Variants in CPEB1 observed in about 807,000 individuals in gnomAD.
CPEB1 encodes the protein cytoplasmic polyadenylation element-binding protein 1.
A neutral mutation model predicts 65.8 loss-of-function variants in CPEB1; 7 were observed. The ratio of observed to expected loss-of-function variants is 0.11; its 90% CI spans 0.06 to 0.20. CPEB1 has a LOEUF of 0.20. CPEB1 is among the 10% of genes least tolerant of loss of function. The probability of loss-of-function intolerance (pLI) is 1.00; values close to 1 mark genes in which losing one functional copy is unlikely to be tolerated. For synonymous variants in CPEB1, 262 were observed against 260.0 expected (o/e 1.01, Z -0.08); for missense variants, 551 against 712.2 (o/e 0.77, Z 2.58).
intron 3 of CPEB1, among the ~76,000 whole-genome samples, chr15:82,579,485 G>T (rs181930518): frequency 7.6e-6 from 1 of 131,696 alleles, no homozygotes; most frequent in East Asian, 2.4e-4. Flanking sequence ...ACTTTATCAA[G>T]ATTTATAACA....
At chr15:82,640,150 G>A (rs887349326) in intron 1 of CPEB1, among the ~76,000 whole-genome samples, 4 of 152,058 alleles carry the variant, frequency 2.6e-5, no homozygotes, top group African/African-American at 9.7e-5. Flanking sequence ...CATAACAGGC[G>A]TTTGTTGTTT....
Position 82,571,957 on chromosome 15 carries a change from T to G in CPEB1, c.272-425A>C, listed in dbSNP as rs1462079274. The G allele has an allele frequency of 1.5e-5, 10 of 688,024 alleles. No individual in the cohort carries two copies. The Admixed American group carries it at 1.8e-4, about 13-fold the overall frequency. The allele number at this position is 688,024 out of a possible 1,614,324, so 42.6% of individuals were successfully genotyped here. On this transcript the variant is annotated intron_variant, in intron 3 of 12. Coordinates refer to ENST00000684509, the MANE Select transcript of CPEB1 (RefSeq NM_001365242.1). ...TGGAATAGTCCCGGTGCAGTGCCGT[T>G]AAGTCTGGGTTGCAAGGCAGCGCCC...
At chr15:82,602,168 C>T (rs974876000) in intron 3 of CPEB1, among the ~76,000 whole-genome samples, 1 of 152,016 alleles carries the variant, frequency 6.6e-6, no homozygotes, top group Admixed American at 6.6e-5. Context: ...TGTTCTATGA[C>T]CATAGTGGAA....
chr15:82,579,813 G>A (rs1397396849), intron 3 of CPEB1, among the ~76,000 whole-genome samples: 1 of 150,962 alleles, frequency 6.6e-6, no homozygotes, highest in Non-Finnish European at 1.5e-5. Flanking sequence ...TCGGGAGGCT[G>A]AGGCAGGAGA....
chr15:82,563,357 CTTT>C (rs71453394), intron 4 of CPEB1, among the ~76,000 whole-genome samples: 6 of 92,066 alleles, frequency 6.5e-5, no homozygotes, highest in East Asian at 3.7e-4. Flanking sequence ...CATCTCTATT[CTTT>C]TTTTTTTTTT....
At chr15:82,629,843 G>A (rs1347935192) in intron 1 of CPEB1, 1 of 985,308 alleles carries the variant, frequency 1.0e-6, no homozygotes, top group Non-Finnish European at 1.2e-6. Flanking sequence ...AGCATTTACA[G>A]TTTTACCAAC....
chr15:82,578,867 C>T (rs1037276733), intron 3 of CPEB1, among the ~76,000 whole-genome samples: 7 of 152,142 alleles, frequency 4.6e-5, no homozygotes, highest in African/African-American at 1.2e-4. Context: ...CTCACTCTGT[C>T]GTCCTGACTG....
chr15:82,611,571 A>T (rs896803814), intron 3 of CPEB1, among the ~76,000 whole-genome samples: 1 of 152,034 alleles, frequency 6.6e-6, no homozygotes, highest in African/African-American at 2.4e-5. Context: ...AGCCTGGCCA[A>T]CATAGCAAGA....
At chr15:82,600,826 CAGG>C (rs1567212675) in intron 3 of CPEB1, among the ~76,000 whole-genome samples, 1 of 149,858 alleles carries the variant, frequency 6.7e-6, no homozygotes, top group Admixed American at 6.7e-5. Context: ...TGGGTTTGGA[CAGG>C]GGGAGGTTGG....
rs149003693 is a variant in CPEB1, at chr15:82,617,275, G to A, written c.271+9918C>T. ...CTTTACTGCTGAGCAGTACTCCTTT[G>A]CATTTGTTTATCCATTCATCTATTG... On this transcript the variant is annotated intron_variant, in intron 3 of 12. Transcript: ENST00000684509. Among the ~76,000 whole-genome samples, 10 of 152,264 alleles carry A rather than the reference G, an allele frequency of 6.6e-5. No individual in the cohort carries two copies. The East Asian group carries it at 1.7e-3, about 26-fold the overall frequency.
intron 4 of CPEB1, among the ~76,000 whole-genome samples, chr15:82,567,294 G>A (rs1435026269): frequency 6.6e-6 from 1 of 152,184 alleles, no homozygotes; most frequent in Non-Finnish European, 1.5e-5. Context: ...GAGCCTGCAA[G>A]TGACACAGCA....
chr15:82,622,644 G>A (rs559330047), intron 3 of CPEB1, among the ~76,000 whole-genome samples: 2 of 151,970 alleles, frequency 1.3e-5, no homozygotes, highest in East Asian at 1.9e-4. Flanking sequence ...TGCCCACCTC[G>A]GCCTCCCAAA....
chr15:82,646,372 G>T (rs2047522828), intron 1 of CPEB1, among the ~76,000 whole-genome samples: 1 of 152,156 alleles, frequency 6.6e-6, no homozygotes, highest in Non-Finnish European at 1.5e-5. Context: ...AGAGCGCGGG[G>T]AGGCTGGGCG....
chr15:82,565,832 T>G (rs2039030272), intron 4 of CPEB1, among the ~76,000 whole-genome samples: 1 of 152,176 alleles, frequency 6.6e-6, no homozygotes, highest in Non-Finnish European at 1.5e-5. Context: ...TCCAGCAAAT[T>G]CCTATCTTCT....
At chr15:82,625,472 A>C (rs1232731294) in intron 3 of CPEB1, among the ~76,000 whole-genome samples, 3 of 152,216 alleles carry the variant, frequency 2.0e-5, no homozygotes, top group African/African-American at 7.2e-5. Context: ...AAAATAAATA[A>C]AAGAATTTAC....
chr15:82,563,692 GGA>G (rs1786143165), intron 4 of CPEB1, among the ~76,000 whole-genome samples: 1 of 151,986 alleles, frequency 6.6e-6, no homozygotes, highest in South Asian at 2.1e-4. Flanking sequence ...ATTGATACAT[GGA>G]GAGAGAATGT....
intron 12 of CPEB1, among the ~76,000 whole-genome samples, chr15:82,545,612 G>A (rs1188345209): frequency 6.6e-6 from 1 of 152,256 alleles, no homozygotes; most frequent in East Asian, 1.9e-4. Context: ...CTGTAATTAA[G>A]GTTTGAGAAG....
chr15:82,556,250 C>A, intron 5 of CPEB1, 128 bp from the exon 6 acceptor site: 1 of 1,091,178 alleles, frequency 9.2e-7, no homozygotes. Context: ...TTTAGACTTT[C>A]TTCCTGAGCA....
intron 3 of CPEB1, among the ~76,000 whole-genome samples, chr15:82,581,263 C>A (rs1009050388): frequency 6.6e-6 from 1 of 152,198 alleles, no homozygotes; most frequent in Non-Finnish European, 1.5e-5. Context: ...CAGGTGTGCA[C>A]TACTGTGCTA....
Sources: allele counts gnomAD v4.1 joint callset (sites outside exome capture counted in the v4.1 genomes callset), GRCh38; gene constraint gnomAD v4.1.1; transcripts MANE v1.5; gene names NCBI Gene and HGNC (gene_info 2026-07-23, HGNC 2026-07-21).